C6orf58: variants seen among roughly 807,000 people sequenced by gnomAD.
C6orf58 encodes the protein chromosome 6 open reading frame 58.
In C6orf58, 30 loss-of-function variants were observed where a neutral mutation model predicts 37.0. That is an observed-to-expected ratio of 0.81 (90% CI 0.61 to 1.10). The LOEUF is 1.10. Among genes scored for constraint, C6orf58 ranks in the 50% least tolerant of loss-of-function variants. The pLI is 0.00. For synonymous variants in C6orf58, 143 were observed against 134.1 expected (o/e 1.07, Z -0.46); for missense variants, 368 against 387.5 (o/e 0.95, Z 0.42).
chr6:127,588,853 T>C (rs1775132640), intron 4 of C6orf58, among the ~76,000 whole-genome samples: 1 of 152,162 alleles, frequency 6.6e-6, no homozygotes. Flanking sequence ...TCTTTATGAC[T>C]TCATATTTCC....
chr6:127,588,419 T>C (rs1247264199), intron 4 of C6orf58, among the ~76,000 whole-genome samples: 1 of 152,178 alleles, frequency 6.6e-6, no homozygotes, highest in Non-Finnish European at 1.5e-5. Flanking sequence ...TACAATCTAT[T>C]GCATGCTGTG....
At chr6:127,590,054 T>C (rs1387506295) in intron 4 of C6orf58, 33 bp from the exon 5 acceptor site, 1 of 1,477,164 alleles carries the variant, frequency 6.8e-7, no homozygotes, top group African/African-American at 1.4e-5. Flanking sequence ...AGGTGACTAA[T>C]TATAATTAAA....
rs549735619 is a variant in C6orf58 at position 127,582,771 on chromosome 6, T to C, written c.674+1489T>C. ...TTAAGAGTTGCAGACCAATATCCAG[T>C]TTCCAATTAGTTATGGAGTGACAGG... On this transcript the variant is annotated intron_variant, in intron 4 of 5. Transcript: ENST00000329722. Among the ~76,000 whole-genome samples, 15 of 152,314 alleles carry C rather than the reference T, an allele frequency of 9.8e-5. 1 individual carries two copies. In the East Asian group the frequency reaches 1.5e-3, roughly 16 times the overall value.
At chr6:127,580,117 G>A (rs1775032988) in intron 2 of C6orf58, 148 bp from the exon 3 acceptor site, 4 of 563,836 alleles carry the variant, frequency 7.1e-6, no homozygotes, top group Non-Finnish European at 1.2e-5. Flanking sequence ...TCCTTAGGGG[G>A]ATTTTTGTTC....
At chr6:127,584,394 A>G (rs749550808) in intron 4 of C6orf58, among the ~76,000 whole-genome samples, 3 of 152,200 alleles carry the variant, frequency 2.0e-5, no homozygotes, top group Non-Finnish European at 4.4e-5. Context: ...CTCTTCCATG[A>G]TGAGTATAGA....
chr6:127,579,956 A>G (rs116149784), intron 2 of C6orf58, among the ~76,000 whole-genome samples: 4 of 152,008 alleles, frequency 2.6e-5, no homozygotes, highest in African/African-American at 9.7e-5. Context: ...GCTTTCTTCC[A>G]TTCTTACTTA....
intron 4 of C6orf58, among the ~76,000 whole-genome samples, chr6:127,584,017 C>A (rs1775078286): frequency 6.6e-6 from 1 of 152,166 alleles, no homozygotes; most frequent in African/African-American, 2.4e-5. Flanking sequence ...TTTCTAATGC[C>A]ATTTTGTTTG....
intron 4 of C6orf58, among the ~76,000 whole-genome samples, chr6:127,586,148 C>T (rs1235189377): frequency 6.6e-6 from 1 of 152,120 alleles, no homozygotes; most frequent in Non-Finnish European, 1.5e-5. Flanking sequence ...ATGAATTATA[C>T]TTTCTAGAAG....
At position 127,590,334 on chromosome 6, in the gene C6orf58, C is replaced by T; in HGVS notation, c.913+9C>T. 1 of 1,500,740 alleles carries T rather than the reference C, an allele frequency of 6.7e-7. No individual in the cohort carries two copies. Among genetic ancestry groups the T allele is most frequent in the Non-Finnish European group, 9.2e-7 (1 of 1,088,600 alleles). 93.0% of individuals were successfully genotyped at this position (1,500,740 alleles called of 1,614,324 possible). ...TGTGGATAAATCTATAGGTAAGAACCTTAAAAGGATACTTTTAAAAATCAG... is the reference window on the plus strand; with the variant it reads ...TGTGGATAAATCTATAGGTAAGAACTTTAAAAGGATACTTTTAAAAATCAG... On this transcript the variant is annotated intron_variant, in intron 5 of 5. Coordinates refer to ENST00000329722, the MANE Select transcript of C6orf58 (RefSeq NM_001010905.3).
chr6:127,581,770 G>A (rs549082912), intron 4 of C6orf58, among the ~76,000 whole-genome samples: 54 of 152,224 alleles, frequency 3.5e-4, no homozygotes, highest in African/African-American at 1.3e-3. Context: ...AGTGACATAT[G>A]GAAACACCTT....
At chr6:127,578,807 C>A in intron 2 of C6orf58, 35 bp downstream of exon 2, 1 of 1,469,688 alleles carries the variant, frequency 6.8e-7, no homozygotes, top group South Asian at 1.2e-5. Context: ...AGATATTAAC[C>A]TTTCCTGAAA....
chr6:127,578,631 C>A, intron 1 of C6orf58, 55 bp from the exon 2 acceptor site: 1 of 1,234,826 alleles, frequency 8.1e-7, no homozygotes. Flanking sequence ...GCAATAGTTA[C>A]AGCCAGTTTC....
intron 4 of C6orf58, among the ~76,000 whole-genome samples, chr6:127,582,924 C>T (rs963994356): frequency 6.6e-6 from 1 of 152,202 alleles, no homozygotes; most frequent in Non-Finnish European, 1.5e-5. Flanking sequence ...AAGAACCCTA[C>T]AGATAGTCTC....
chr6:127,583,831 G>A (rs1444260410), intron 4 of C6orf58, among the ~76,000 whole-genome samples: 1 of 152,114 alleles, frequency 6.6e-6, no homozygotes, highest in Non-Finnish European at 1.5e-5. Context: ...TCATAATTTT[G>A]AGTCATATCA....
chr6:127,588,024 T>C (rs114902235), intron 4 of C6orf58, among the ~76,000 whole-genome samples: 2,649 of 152,250 alleles, frequency 0.017, 75 homozygotes, highest in African/African-American at 0.058. Context: ...TGTACAACTG[T>C]GTTTATTGCT....
rs900271266 is a variant in C6orf58 at position 127,585,469 on chromosome 6, GA to G, written c.674+4192del. On this transcript the variant is annotated intron_variant, in intron 4 of 5. Coordinates refer to ENST00000329722, the MANE Select transcript of C6orf58 (RefSeq NM_001010905.3). ...AATGCAGAAAAATTACATAGTTATA[GA>G]AAAACCTTCGATCTTTTATAGAGAG... Among the ~76,000 whole-genome samples the G allele has an allele frequency of 8.8e-4, 134 of 152,236 alleles. 3 individuals are homozygous for G. Among genetic ancestry groups the G allele is most frequent in the Non-Finnish European group, 3.1e-4 (21 of 68,000 alleles).
At chr6:127,585,402 A>G (rs1214679129) in intron 4 of C6orf58, among the ~76,000 whole-genome samples, 1 of 152,228 alleles carries the variant, frequency 6.6e-6, no homozygotes, top group African/African-American at 2.4e-5. Context: ...AATAATAGTC[A>G]TCCATTTTAA....
intron 4 of C6orf58, among the ~76,000 whole-genome samples, chr6:127,582,955 GTTATGAGTCAGCA>G (rs1292794812): frequency 5.9e-5 from 9 of 152,160 alleles, no homozygotes; most frequent in East Asian, 1.9e-4. Flanking sequence ...TGCCTTGTGC[GTTATGAGTCAGCA>G]TTATGAGTCA....
intron 5 of C6orf58, among the ~76,000 whole-genome samples, chr6:127,591,028 A>G (rs936137469): frequency 3.9e-5 from 6 of 152,176 alleles, no homozygotes; most frequent in African/African-American, 1.4e-4. Flanking sequence ...TGCATCAGTT[A>G]GAGTAACAAA....
Sources: allele counts gnomAD v4.1 joint callset (sites outside exome capture counted in the v4.1 genomes callset), GRCh38; gene constraint gnomAD v4.1.1; transcripts MANE v1.5; gene names NCBI Gene and HGNC (gene_info 2026-07-23, HGNC 2026-07-21).